The following CDH13 variants were observed in gnomAD, a reference collection of about 807,000 sequenced individuals.
CDH13 encodes the protein cadherin-13.
Under a neutral mutation model 63.8 loss-of-function variants are expected in CDH13, and 24 were observed. The observed-to-expected ratio is 0.38, with a 90% CI of 0.27 to 0.53. The LOEUF is 0.53. CDH13 is among the 20% of genes least tolerant of loss of function. CDH13 has a pLI of 0.85. For synonymous variants in CDH13, 503 were observed against 355.3 expected (o/e 1.42, Z -4.67); for missense variants, 1,049 against 903.1 (o/e 1.16, Z -2.07).
chr16:83,644,365 A>G (rs1160191450), intron 8 of CDH13, among the ~76,000 whole-genome samples: 1 of 152,204 alleles, frequency 6.6e-6, no homozygotes, highest in Non-Finnish European at 1.5e-5. Context: ...CCAACTTCAC[A>G]TAAATGGACA....
At chr16:82,641,489 C>T (rs1226922905) in intron 1 of CDH13, among the ~76,000 whole-genome samples, 1 of 152,166 alleles carries the variant, frequency 6.6e-6, no homozygotes, top group Non-Finnish European at 1.5e-5. Flanking sequence ...TTTGGTTAAG[C>T]ACCCTCCTGC....
intron 2 of CDH13, chr16:82,884,312 G>C (rs2040809243): frequency 2.3e-6 from 1 of 427,064 alleles, no homozygotes; most frequent in Non-Finnish European, 4.6e-6. Flanking sequence ...TTGAGAAAAG[G>C]AGGCAACCTG....
chr16:83,421,463 C>T (rs1220137789), intron 6 of CDH13, among the ~76,000 whole-genome samples: 2 of 152,332 alleles, frequency 1.3e-5, no homozygotes, highest in East Asian at 3.9e-4. Context: ...ATGTTGACTT[C>T]TTGTCCCTGT....
intron 8 of CDH13, among the ~76,000 whole-genome samples, chr16:83,613,519 A>G (rs1291848878): frequency 6.6e-6 from 1 of 152,080 alleles, no homozygotes; most frequent in Non-Finnish European, 1.5e-5. Flanking sequence ...TGTCTAATCT[A>G]CTATACCCAT....
intron 6 of CDH13, among the ~76,000 whole-genome samples, chr16:83,417,375 C>T (rs2071581367): frequency 6.6e-6 from 1 of 152,170 alleles, no homozygotes; most frequent in Non-Finnish European, 1.5e-5. Flanking sequence ...AATGCTGCAC[C>T]CAGAATCTTT....
At chr16:82,652,339 C>G (rs951117802) in intron 1 of CDH13, among the ~76,000 whole-genome samples, 5 of 152,120 alleles carry the variant, frequency 3.3e-5, no homozygotes, top group Non-Finnish European at 7.4e-5. Flanking sequence ...CAGGATTGTG[C>G]CTGTGGTTTT....
intron 4 of CDH13, among the ~76,000 whole-genome samples, chr16:83,176,878 C>T (rs1265373239): frequency 1.3e-5 from 2 of 152,156 alleles, no homozygotes; most frequent in Non-Finnish European, 2.9e-5. Context: ...TAGTTACCTT[C>T]CTCTCCCATC....
intron 2 of CDH13, among the ~76,000 whole-genome samples, chr16:82,914,031 G>C (rs965592269): frequency 6.6e-6 from 1 of 151,778 alleles, no homozygotes; most frequent in Non-Finnish European, 1.5e-5. Flanking sequence ...TTGCTGTGTG[G>C]TAAGAGCAAT....
At chr16:83,057,059 C>G (rs939720417) in intron 3 of CDH13, among the ~76,000 whole-genome samples, 3 of 152,144 alleles carry the variant, frequency 2.0e-5, no homozygotes, top group African/African-American at 4.8e-5. Flanking sequence ...CTCTGACTCC[C>G]TGGTTCAAGT....
intron 8 of CDH13, among the ~76,000 whole-genome samples, chr16:83,628,689 G>A (rs909074774): frequency 3.9e-5 from 6 of 152,148 alleles, no homozygotes; most frequent in Non-Finnish European, 7.3e-5. Context: ...AATAGGAGGC[G>A]AAGATCTCTG....
Position 83,756,332 on chromosome 16 carries a change from A to T in CDH13, c.1681+8082A>T, listed in dbSNP as rs185641891. Among the ~76,000 whole-genome samples, 100 of 152,362 alleles carry T rather than the reference A, an allele frequency of 6.6e-4. No individual in the cohort carries two copies. The East Asian group carries it at 7.5e-3, about 11-fold the overall frequency. On this transcript the variant is annotated intron_variant, in intron 11 of 13. Transcript: ENST00000567109. ...CTATTTTTAAAAATCAGCAAACTGG[A>T]TGCTACATACAATAGACACACTTTA...
chr16:83,107,325 TGTG>T (rs36058919), intron 3 of CDH13, among the ~76,000 whole-genome samples: 76,344 of 139,312 alleles, frequency 0.55, 19,573 homozygotes, highest in Non-Finnish European at 0.58. Context: ...TGGTGGTGGT[TGTG>T]GTGGTGGTGG....
intron 3 of CDH13, among the ~76,000 whole-genome samples, chr16:83,108,557 C>G (rs1468508031): frequency 6.6e-6 from 1 of 152,192 alleles, no homozygotes; most frequent in Non-Finnish European, 1.5e-5. Context: ...CACAAACTTC[C>G]TTAGGCTCCA....
At chr16:83,633,925 C>T (rs932663293) in intron 8 of CDH13, among the ~76,000 whole-genome samples, 1 of 152,018 alleles carries the variant, frequency 6.6e-6, no homozygotes, top group African/African-American at 2.4e-5. Flanking sequence ...CTTATTTTTC[C>T]ATTTTTCCAT....
chr16:82,682,926 C>G (rs1238376825), intron 1 of CDH13, among the ~76,000 whole-genome samples: 1 of 152,192 alleles, frequency 6.6e-6, no homozygotes, highest in Non-Finnish European at 1.5e-5. Context: ...ACAGTTCAGG[C>G]TGGTCCTAAG....
intron 1 of CDH13, among the ~76,000 whole-genome samples, chr16:82,724,858 C>T (rs1355036364): frequency 3.3e-5 from 5 of 152,186 alleles, no homozygotes; most frequent in Admixed American, 6.5e-5. Flanking sequence ...CACCCTCAGT[C>T]TTCCAGTTGG....
chr16:82,858,371 C>A lies in CDH13; in HGVS notation c.55C>A (p.Leu19Ile), dbSNP rs1277791254. The A allele has an allele frequency of 6.2e-7, 1 of 1,610,890 alleles. No individual in the cohort carries two copies. Among genetic ancestry groups the A allele is most frequent in the East Asian group, 2.2e-5 (1 of 44,858 alleles). Residue 19 changes from leucine to isoleucine, a missense_variant, in exon 2 of 14, where the codon CTA (leucine) becomes ATA (isoleucine). Leu to Ile is a conservative substitution (Grantham distance 5). Coordinates refer to ENST00000567109, the MANE Select transcript of CDH13 (RefSeq NM_001257.5). ...GCTTTGGTTTTCTCAGGTGCTGCTG[C>A]TAACATCTGCAGAAGATTTGGACTG... ...LCVLLSQVLLLTSAEDLDCTP... is the reference protein window; with the variant it reads ...LCVLLSQVLLITSAEDLDCTP...
chr16:83,392,725 C>G (rs913658776), intron 6 of CDH13, among the ~76,000 whole-genome samples: 1 of 152,150 alleles, frequency 6.6e-6, no homozygotes, highest in Admixed American at 6.6e-5. Context: ...AAAGACAGAA[C>G]CAGCGCACGA....
At chr16:83,627,745 G>A (rs1308855800) in intron 8 of CDH13, among the ~76,000 whole-genome samples, 1 of 152,092 alleles carries the variant, frequency 6.6e-6, no homozygotes, top group Non-Finnish European at 1.5e-5. Flanking sequence ...CCAAGAGAGG[G>A]TTCTTGGATC....
Sources: gnomAD v4.1 joint callset for allele counts (sites outside exome capture counted in the v4.1 genomes callset) on GRCh38, gnomAD v4.1.1 for gene constraint, MANE v1.5 for transcripts, NCBI Gene and HGNC (gene_info 2026-07-23, HGNC 2026-07-21) for gene names.